Variants in SOHLH2 observed in about 807,000 individuals in gnomAD.
SOHLH2 encodes spermatogenesis and oogenesis specific basic helix-loop-helix 2.
A neutral mutation model predicts 50.4 loss-of-function variants in SOHLH2; 22 were observed. That is an observed-to-expected ratio of 0.44 (90% CI 0.31 to 0.62). The LOEUF (loss-of-function observed/expected upper bound fraction) is 0.62, where lower values mean the gene tolerates loss of function less well. Ranked by LOEUF, SOHLH2 falls within the 20% of genes least tolerant of loss-of-function variation. SOHLH2 has a pLI of 0.08. For synonymous variants in SOHLH2, 185 were observed against 187.3 expected, an observed-to-expected ratio of 0.99 and a Z score of 0.10; for missense variants, 412 against 504.4, an observed-to-expected ratio of 0.82 and a Z score of 1.76.
intron 6 of SOHLH2, among the ~76,000 whole-genome samples, chr13:36,176,180 G>A (rs75890051): frequency 0.021 from 3,155 of 152,216 alleles, 95 homozygotes; most frequent in African/African-American, 0.068. Flanking sequence ...AAACAAAGTA[G>A]AAGTGAAGCC....
At chr13:36,210,690 C>T (rs764743527) in intron 1 of SOHLH2, among the ~76,000 whole-genome samples, 16 of 152,044 alleles carry the variant, frequency 1.1e-4, no homozygotes, top group Non-Finnish European at 1.8e-4. Context: ...CCTGCAGTAC[C>T]CTACTCTAAA....
chr13:36,175,491 T>C (rs1278897262), intron 6 of SOHLH2, among the ~76,000 whole-genome samples: 1 of 152,176 alleles, frequency 6.6e-6, no homozygotes, highest in South Asian at 2.1e-4. Flanking sequence ...AACTAACCTG[T>C]CTTTCACAGC....
chr13:36,182,842 T>A (rs773271453), intron 6 of SOHLH2: 9 of 153,606 alleles, frequency 5.9e-5, no homozygotes, highest in Admixed American at 2.6e-4. Flanking sequence ...CAGCTTACTG[T>A]TTAAGCAAAA....
At position 36,170,026 on chromosome 13, in the gene SOHLH2, A is replaced by G. The variant is rs572538348; in HGVS notation, c.1257+505T>C. Among the ~76,000 whole-genome samples the G allele has an allele frequency of 3.3e-5, 5 of 152,340 alleles. No individual in the cohort carries two copies. The South Asian group carries it at 8.3e-4, about 25-fold the overall frequency. On this transcript the variant is annotated intron_variant, in intron 10 of 10. Transcript: ENST00000379881. ...CATTCTTAGTACAATGACAAACTCA[A>G]TGTCAGAACATAATGGGTGCTCAGT... is the stretch of plus-strand genomic sequence containing the variant.
At chr13:36,193,783 T>C in intron 3 of SOHLH2, 23 bp downstream of exon 3, 1 of 1,603,248 alleles carries the variant, frequency 6.2e-7, no homozygotes, top group South Asian at 1.1e-5. Flanking sequence ...AAAAAACAAA[T>C]ACTATATTTA....
chr13:36,180,285 C>T (rs1331141130), intron 6 of SOHLH2, among the ~76,000 whole-genome samples: 1 of 152,094 alleles, frequency 6.6e-6, no homozygotes, highest in Non-Finnish European at 1.5e-5. Context: ...CCAGCCTCCT[C>T]CCCCTTCACC....
At chr13:36,206,133 T>TA (rs1330109165) in intron 1 of SOHLH2, among the ~76,000 whole-genome samples, 63 of 152,200 alleles carry the variant, frequency 4.1e-4, no homozygotes, top group African/African-American at 1.5e-3. Flanking sequence ...TGCGGCTATT[T>TA]AAACTTATGT....
chr13:36,206,023 G>C (rs1219261628), intron 1 of SOHLH2, among the ~76,000 whole-genome samples: 1 of 151,618 alleles, frequency 6.6e-6, no homozygotes, highest in Non-Finnish European at 1.5e-5. Context: ...TACTGGTGTT[G>C]AGTTCATTTT....
intron 6 of SOHLH2, among the ~76,000 whole-genome samples, chr13:36,178,509 G>T (rs1432044210): frequency 6.6e-6 from 1 of 152,118 alleles, no homozygotes; most frequent in African/African-American, 2.4e-5. Flanking sequence ...TTACCTACTG[G>T]TGATTGTAGC....
chr13:36,191,341 T>C (rs1887567279), intron 5 of SOHLH2, among the ~76,000 whole-genome samples: 1 of 151,848 alleles, frequency 6.6e-6, no homozygotes, highest in Non-Finnish European at 1.5e-5. Context: ...TAAAGGGAGA[T>C]TTTCAATAAC....
rs1384524115 is a variant in SOHLH2, at chr13:36,173,727, G to A, written c.965C>T (p.Pro322Leu). The change falls in exon 9 of 11, where the codon CCT (proline) becomes CTT (leucine). Residue 322 changes from proline to leucine, a missense_variant. Pro to Leu is a moderately conservative substitution (Grantham distance 98). Coordinates refer to ENST00000379881, the MANE Select transcript of SOHLH2 (RefSeq NM_017826.3). ...TNTCWNGCST[P>L]DAESSLDEAV... The stretch of plus-strand genomic sequence containing the variant: ...TTCATCCAAGGAGCTCTCTGCATCA[G>A]GAGTGGAGCACCCATTCCAGCACGT... 2.7e-5 allele frequency: 43 copies of A among 1,613,530 alleles called. No homozygotes were observed. Among genetic ancestry groups the A allele is most frequent in the Non-Finnish European group, 3.3e-5 (39 of 1,179,972 alleles).
At chr13:36,193,256 GAAGA>G (rs1887627020) in intron 4 of SOHLH2, among the ~76,000 whole-genome samples, 1 of 152,182 alleles carries the variant, frequency 6.6e-6, no homozygotes, top group South Asian at 2.1e-4. Context: ...GTTTTGCAAA[GAAGA>G]AAGCACAATA....
At chr13:36,182,084 A>G (rs751883097) in intron 6 of SOHLH2, 2 of 984,482 alleles carry the variant, frequency 2.0e-6, no homozygotes, top group Non-Finnish European at 2.4e-6. Flanking sequence ...GCAGCTGTAT[A>G]CTGCTAAGAT....
intron 9 of SOHLH2, among the ~76,000 whole-genome samples, chr13:36,172,491 T>C (rs1462754259): frequency 1.3e-5 from 2 of 152,334 alleles, no homozygotes; most frequent in East Asian, 1.9e-4. Flanking sequence ...GGGTCCCTGC[T>C]CTTTTGACTT....
intron 6 of SOHLH2, among the ~76,000 whole-genome samples, chr13:36,185,034 T>C (rs1593943347): frequency 6.6e-6 from 1 of 152,184 alleles, no homozygotes; most frequent in Admixed American, 6.5e-5. Flanking sequence ...TGGTTTTCTA[T>C]TCCTGTGTTA....
At chr13:36,193,553 G>A in intron 4 of SOHLH2, 68 bp downstream of exon 4, 1 of 1,476,880 alleles carries the variant, frequency 6.8e-7, no homozygotes, top group Non-Finnish European at 9.1e-7. Context: ...GTTTTTGTCA[G>A]AATATATGAG....
chr13:36,169,129 T>C, intron 10 of SOHLH2, 75 bp from the exon 11 acceptor site: 1 of 1,546,466 alleles, frequency 6.5e-7, no homozygotes, highest in Non-Finnish European at 8.7e-7. Flanking sequence ...GATTGTATTT[T>C]CTATATCCTA....
chr13:36,214,398 T>C, intron 1 of SOHLH2, 81 bp downstream of exon 1: 2 of 1,520,152 alleles, frequency 1.3e-6, no homozygotes, highest in Admixed American at 1.9e-5. Flanking sequence ...AGGCCGGGCT[T>C]TGAGGGCCGA....
chr13:36,185,351 C>T (rs1887387203), intron 6 of SOHLH2, among the ~76,000 whole-genome samples: 1 of 151,862 alleles, frequency 6.6e-6, no homozygotes, highest in African/African-American at 2.4e-5. Flanking sequence ...CCTGTAATTC[C>T]AGCTGCTTGG....
Sources: allele counts gnomAD v4.1 joint callset (sites outside exome capture counted in the v4.1 genomes callset), GRCh38; gene constraint gnomAD v4.1.1; transcripts MANE v1.5; gene names NCBI Gene and HGNC (gene_info 2026-07-23, HGNC 2026-07-21).